The following GTSE1 variants were observed in gnomAD, a reference collection of about 807,000 sequenced individuals.
GTSE1 encodes the protein G2 and S-phase expressed 1, also known as G2 and S phase-expressed protein 1.
A neutral mutation model predicts 60.5 loss-of-function variants in GTSE1; 52 were observed. The observed-to-expected ratio is 0.86, with a 90% CI of 0.69 to 1.08. The LOEUF is 1.08. Ranked by LOEUF, GTSE1 falls within the 50% of genes least tolerant of loss-of-function variation. The probability of loss-of-function intolerance (pLI) is 0.00; values close to 1 mark genes in which losing one functional copy is unlikely to be tolerated. For synonymous variants in GTSE1, 368 were observed against 386.5 expected, an observed-to-expected ratio of 0.95 and a Z score of 0.56; for missense variants, 937 against 961.8, an observed-to-expected ratio of 0.97 and a Z score of 0.34.
Position 46,307,314 on chromosome 22 carries a change from A to C in GTSE1, c.80-836A>C, listed in dbSNP as rs540785574. Among the ~76,000 whole-genome samples, 4 of 152,302 alleles carry C rather than the reference A, an allele frequency of 2.6e-5. No homozygotes were observed. In the South Asian group the frequency reaches 8.3e-4, roughly 32 times the overall value. On this transcript the variant is annotated intron_variant, in intron 2 of 11. Coordinates refer to ENST00000454366, the MANE Select transcript of GTSE1 (RefSeq NM_016426.7). ...GTTGAACTATGAATAGATGTTTTGT[A>C]GCTTGTAAGAGGGGAATTTAATTCT...
In GTSE1 at chr22:46,308,159, T is replaced by C. The variant is rs1426242533; in HGVS notation, c.89T>C (p.Leu30Pro). The C allele has an allele frequency of 1.2e-6, 2 of 1,611,220 alleles. No homozygotes were observed. The highest frequency in any genetic ancestry group is 8.5e-7 in the Non-Finnish European group (1 of 1,177,388). ...MDDPKKEDIL[L>P]LADEKFDFDL... is the part of the protein sequence containing the mutation. ...GATTTTTTCCCTCTAGACATTCTTC[T>C]TTTGGCCGATGAAAAATTTGACTTC... Residue 30 changes from leucine to proline, a missense_variant, in exon 3 of 12, where the codon CTT (leucine) becomes CCT (proline). By Grantham distance (98) the Leu-to-Pro change is moderately conservative. Transcript: ENST00000454366.
At chr22:46,322,900 C>T (rs2077821613) in intron 7 of GTSE1, among the ~76,000 whole-genome samples, 1 of 152,198 alleles carries the variant, frequency 6.6e-6, no homozygotes, top group Non-Finnish European at 1.5e-5. Context: ...ATGGGATATA[C>T]AGCCAGGGTG....
Position 46,329,684 on chromosome 22 carries a change from C to A in GTSE1, c.2136+117C>A. The A allele has an allele frequency of 1.3e-6, 1 of 785,470 alleles. No individual in the cohort carries two copies. Among genetic ancestry groups the A allele is most frequent in the Non-Finnish European group, 2.2e-6 (1 of 454,180 alleles). The allele number at this position is 785,470 out of a possible 1,614,324, so 48.7% of individuals were successfully genotyped here. A position where few individuals can be genotyped will look rare whatever the true frequency, so the allele number is the denominator to read the frequency against. ...GAGAGTGGCTGTTGAGTCTTCTCAG[C>A]TACACACCTCAGGGCAGGATGCACC... is the stretch of plus-strand genomic sequence containing the variant. On this transcript the variant is annotated intron_variant, in intron 11 of 11. Coordinates refer to ENST00000454366, the MANE Select transcript of GTSE1 (RefSeq NM_016426.7). This position sits in a 1 kb window ranked among gnomAD's most constrained non-coding sequence, Gnocchi z 6.4.
intron 9 of GTSE1, 146 bp downstream of exon 9, chr22:46,326,800 A>G (rs978122583): frequency 1.5e-5 from 9 of 591,356 alleles, no homozygotes; most frequent in Non-Finnish European, 2.6e-5. Context: ...TTCATTGCAA[A>G]GAGAAAATGC....
At position 46,304,398 on chromosome 22, in the gene GTSE1, A is replaced by G. The variant is rs2077705465; in HGVS notation, c.80-3752A>G. ...GAATACTTCTGACGTTATCCCACTGAACCTAATGCTGGCTTTGGGTTGAGA... is the reference window on the plus strand; with the variant it reads ...GAATACTTCTGACGTTATCCCACTGGACCTAATGCTGGCTTTGGGTTGAGA... On this transcript the variant is annotated intron_variant, in intron 2 of 11. Coordinates refer to ENST00000454366, the MANE Select transcript of GTSE1 (RefSeq NM_016426.7). This position sits in a 1 kb window ranked among gnomAD's most constrained non-coding sequence, Gnocchi z 4.4. 6.6e-6 allele frequency among the ~76,000 whole-genome samples: 1 copy of G among 152,202 alleles called. No individual in the cohort carries two copies. The highest frequency in any genetic ancestry group is 2.1e-4 in the South Asian group (1 of 4,826).
rs535510991 is a variant in GTSE1 at position 46,330,526 on chromosome 22, G to C, written c.*396G>C. On this transcript the variant is annotated 3_prime_UTR_variant, in exon 12 of 12. Transcript: ENST00000454366. This position sits in a 1 kb window ranked among gnomAD's most constrained non-coding sequence, Gnocchi z 6.0. ...ACATGTTTTAGTAGAAGTTTTATTT[G>C]AAAAAGAAAAATAAGCATAAATATA... 100 of 173,174 alleles carry C rather than the reference G, an allele frequency of 5.8e-4. 1 individual carries two copies. In the South Asian group the frequency reaches 7.4e-3, roughly 13 times the overall value. 10.7% of individuals were successfully genotyped at this position (173,174 alleles called of 1,614,324 possible). A position where few individuals can be genotyped will look rare whatever the true frequency, so the allele number is the denominator to read the frequency against.
At position 46,321,521 on chromosome 22, in the gene GTSE1, G is replaced by T. The variant is rs1274253727; in HGVS notation, c.1433-1669G>T. 2.0e-5 allele frequency among the ~76,000 whole-genome samples: 3 copies of T among 152,214 alleles called. No individual in the cohort carries two copies. The highest frequency in any genetic ancestry group is 4.4e-5 in the Non-Finnish European group (3 of 68,034). On this transcript the variant is annotated intron_variant, in intron 7 of 11. Coordinates refer to ENST00000454366, the MANE Select transcript of GTSE1 (RefSeq NM_016426.7). This position sits in a 1 kb window ranked among gnomAD's most constrained non-coding sequence, Gnocchi z 4.0. Reference sequence around the variant, plus strand: ...CTCCAGTGCTGGGGTGAACATGGAGGCCTGGTGAACGCACAGGTGGGGGCG... The same window carrying T: ...CTCCAGTGCTGGGGTGAACATGGAGTCCTGGTGAACGCACAGGTGGGGGCG...
In GTSE1 at chr22:46,308,701, C is replaced by T; in HGVS notation, c.520C>T (p.Leu174=). 6.2e-7 allele frequency: 1 copy of T among 1,613,776 alleles called. No individual in the cohort carries two copies. Among genetic ancestry groups the T allele is most frequent in the Middle Eastern group, 1.7e-4 (1 of 6,060 alleles). ...ATACTACCTGTCAGACAGCCCCTTG[C>T]TGGGGCCCCCTGTGGGTGAGCCTCG... is the stretch of plus-strand genomic sequence containing the variant. ...ETYYLSDSPL[L]GPPVGEPRLL... Residue 174 remains leucine, a synonymous_variant, in exon 4 of 12, where the codon CTG becomes TTG. Transcript: ENST00000454366.
rs1015105086 is a variant in GTSE1 at position 46,313,220 on chromosome 22, A to G, written c.928-670A>G. Among the ~76,000 whole-genome samples the G allele has an allele frequency of 1.3e-4, 20 of 151,522 alleles. No individual in the cohort carries two copies. The highest frequency in any genetic ancestry group is 1.1e-3 in the Admixed American group (17 of 15,214). On this transcript the variant is annotated intron_variant, in intron 5 of 11. Transcript: ENST00000454366. This position sits in a 1 kb window ranked among gnomAD's most constrained non-coding sequence, Gnocchi z 4.4. The stretch of plus-strand genomic sequence containing the variant: ...AAGAAAATTGCGGTTCCTCACAGGC[A>G]TGGAGACTACCAGCCACATCTTTGC...
At chr22:46,301,675 G>A (rs1001892076) in intron 2 of GTSE1, among the ~76,000 whole-genome samples, 2 of 151,794 alleles carry the variant, frequency 1.3e-5, no homozygotes, top group Non-Finnish European at 2.9e-5. Context: ...TTTTAGTAAA[G>A]ATGAGGTTTC....
rs757172102 is a variant in GTSE1 at position 46,312,306 on chromosome 22, G to A, written c.927+1G>A. The A allele has an allele frequency of 3.1e-6, 5 of 1,608,056 alleles. No individual in the cohort carries two copies. The highest frequency in any genetic ancestry group is 4.2e-6 in the Non-Finnish European group (5 of 1,176,760). On this transcript the variant is annotated splice_donor_variant, in intron 5 of 11. Transcript: ENST00000454366. LOFTEE classifies it high-confidence loss of function. ...GCGGGCGATCCCTGTTCCAAACAAG[G>A]TGAGTTGGCTGCTGGGGCCCAAACT...
chr22:46,311,070 T>G (rs955018480), intron 4 of GTSE1, among the ~76,000 whole-genome samples: 8 of 151,822 alleles, frequency 5.3e-5, no homozygotes, highest in Non-Finnish European at 1.0e-4. Context: ...TTGTTTTTTT[T>G]TTTGTTTTGT....
rs200081547 is a variant in GTSE1 at position 46,308,493 on chromosome 22, A to G, written c.312A>G (p.Glu104=). 10 of 1,614,210 alleles carry G rather than the reference A, an allele frequency of 6.2e-6. No individual in the cohort carries two copies. In the African/African-American group the frequency reaches 1.3e-4, roughly 22 times the overall value. ...AGAAGTTCGTGGAGGTGTACAAAGA[A>G]GCTCACTTACTGGCTTTACACATTG... ...AGEKFVEVYK[E]AHLLALHIES... is the part of the protein sequence containing the mutation. Residue 104 remains glutamate, a synonymous_variant, in exon 4 of 12, where the codon GAA becomes GAG. Transcript: ENST00000454366.
In GTSE1 at chr22:46,329,170, A is replaced by G. The variant is rs2147835709; in HGVS notation, c.1927-188A>G. 1.5e-6 allele frequency: 1 copy of G among 661,740 alleles called. No individual in the cohort carries two copies. The highest frequency in any genetic ancestry group is 2.7e-6 in the Non-Finnish European group (1 of 372,414). 41.0% of individuals were successfully genotyped at this position (661,740 alleles called of 1,614,324 possible). A position where few individuals can be genotyped will look rare whatever the true frequency, so the allele number is the denominator to read the frequency against. On this transcript the variant is annotated intron_variant, in intron 10 of 11. Coordinates refer to ENST00000454366, the MANE Select transcript of GTSE1 (RefSeq NM_016426.7). The surrounding 1 kb of genome is among the most constrained non-coding windows in gnomAD (Gnocchi z 6.4). Reference sequence around the variant, plus strand: ...TGGCTGCTGGTGAGCGGGTATGGACAGGGAGGTGGGCAACAGTCAGAGAGG... The same window carrying G: ...TGGCTGCTGGTGAGCGGGTATGGACGGGGAGGTGGGCAACAGTCAGAGAGG...
In GTSE1 at chr22:46,297,552, C is replaced by G; in HGVS notation, c.79+73C>G. On this transcript the variant is annotated intron_variant, in intron 2 of 11. Coordinates refer to ENST00000454366, the MANE Select transcript of GTSE1 (RefSeq NM_016426.7). The surrounding 1 kb of genome is among the most constrained non-coding windows in gnomAD (Gnocchi z 4.9). Reference sequence around the variant, plus strand: ...GAGATGGAGGGTGATTTAATGTTTCCCTGAGAAATTCTTTCTCAAGTGCTC... The same window carrying G: ...GAGATGGAGGGTGATTTAATGTTTCGCTGAGAAATTCTTTCTCAAGTGCTC... 2 of 1,048,168 alleles carry G rather than the reference C, an allele frequency of 1.9e-6. No homozygotes were observed. The highest frequency in any genetic ancestry group is 1.4e-5 in the South Asian group (1 of 73,094). 64.9% of individuals were successfully genotyped at this position (1,048,168 alleles called of 1,614,324 possible).
chr22:46,297,178 G>C lies in GTSE1; in HGVS notation c.-21-202G>C, dbSNP rs1288813243. On this transcript the variant is annotated intron_variant, in intron 1 of 11. Transcript: ENST00000454366. The surrounding 1 kb of genome is among the most constrained non-coding windows in gnomAD (Gnocchi z 4.9). ...GAATTCCGTTATCTCGTCTGATGGCGTTCGGGCTGACTCCCGGCCTGGCGG... is the reference window on the plus strand; with the variant it reads ...GAATTCCGTTATCTCGTCTGATGGCCTTCGGGCTGACTCCCGGCCTGGCGG... Among the ~76,000 whole-genome samples, 1 of 150,990 alleles carries C rather than the reference G, an allele frequency of 6.6e-6. No homozygotes were observed. Among genetic ancestry groups the C allele is most frequent in the African/African-American group, 2.4e-5 (1 of 41,430 alleles).
chr22:46,297,649 A>T lies in GTSE1; in HGVS notation c.79+170A>T, dbSNP rs1025689004. ...TCTGGTTTTCTTTCACCTCCTCCCC[A>T]TTTTAAGTTTCATCACAGCCAGGAT... On this transcript the variant is annotated intron_variant, in intron 2 of 11. Transcript: ENST00000454366. The surrounding 1 kb of genome is among the most constrained non-coding windows in gnomAD (Gnocchi z 4.9). 6.6e-6 allele frequency among the ~76,000 whole-genome samples: 1 copy of T among 152,114 alleles called. No homozygotes were observed.
chr22:46,323,031 C>T (rs1350797476), intron 7 of GTSE1, among the ~76,000 whole-genome samples, 159 bp from the exon 8 acceptor site: 1 of 152,218 alleles, frequency 6.6e-6, no homozygotes, highest in Non-Finnish European at 1.5e-5. Context: ...CTGCCTGCAG[C>T]AGGGTGGCCC....
At chr22:46,323,072 ACACTC>A in intron 7 of GTSE1, 113 bp from the exon 8 acceptor site, 1 of 762,280 alleles carries the variant, frequency 1.3e-6, no homozygotes, top group East Asian at 2.5e-5. Context: ...AGTGCCACCT[ACACTC>A]AAGTTGGGAC....
Sources: gnomAD v4.1 joint callset for allele counts (sites outside exome capture counted in the v4.1 genomes callset) on GRCh38, gnomAD v4.1.1 for gene constraint, Gnocchi (gnomAD v3.1) non-coding constraint, MANE v1.5 for transcripts, NCBI Gene and HGNC (gene_info 2026-07-23, HGNC 2026-07-21) for gene names.